Variants in ZBTB16 observed in about 807,000 individuals in gnomAD.
ZBTB16 encodes zinc finger and BTB domain-containing protein 16.
ZBTB16 carries 8 observed loss-of-function variants against 56.8 expected under a neutral mutation model. The ratio of observed to expected loss-of-function variants is 0.14; its 90% confidence interval spans 0.08 to 0.25. ZBTB16 has a LOEUF of 0.25. ZBTB16 is among the 10% of genes least tolerant of loss of function. The probability of loss-of-function intolerance (pLI) is 1.00; values close to 1 mark genes in which losing one functional copy is unlikely to be tolerated. For synonymous variants in ZBTB16, 363 were observed against 368.5 expected (o/e 0.98, Z 0.17); for missense variants, 625 against 903.0 (o/e 0.69, Z 3.95).
intron 4 of ZBTB16, 61 bp from the exon 5 acceptor site, chr11:114,242,106 G>T: frequency 6.2e-7 from 1 of 1,605,072 alleles, no homozygotes; most frequent in Non-Finnish European, 8.5e-7. Flanking sequence ...ACTCCAGATG[G>T]GTAAAGAATG....
intron 2 of ZBTB16, among the ~76,000 whole-genome samples, chr11:114,078,255 A>G (rs1345074742): frequency 6.6e-6 from 1 of 152,184 alleles, no homozygotes. Flanking sequence ...TTAATACAAG[A>G]TGGGAAAGGG....
rs999011519 is a variant in ZBTB16, at chr11:114,250,048, G to T, written c.1793-278G>T. Among the ~76,000 whole-genome samples, 1 of 152,112 alleles carries T rather than the reference G, an allele frequency of 6.6e-6. No individual in the cohort carries two copies. Among genetic ancestry groups the T allele is most frequent in the African/African-American group, 2.4e-5 (1 of 41,422 alleles). On this transcript the variant is annotated intron_variant, in intron 6 of 6. Transcript: ENST00000335953. This position sits in a 1 kb window ranked among gnomAD's most constrained non-coding sequence, Gnocchi z 6.0. ...TTAAGAATAGTAAGACAAGGAGCTG[G>T]GCAATCCAGTAGTCAACTAGCTACA...
At chr11:114,116,760 A>G (rs1424644008) in intron 2 of ZBTB16, among the ~76,000 whole-genome samples, 1 of 152,216 alleles carries the variant, frequency 6.6e-6, no homozygotes, top group East Asian at 1.9e-4. Flanking sequence ...CAATTGGTAA[A>G]TGCAGTGAAA....
intron 4 of ZBTB16, among the ~76,000 whole-genome samples, chr11:114,208,803 T>C (rs1202365446): frequency 6.6e-6 from 1 of 152,232 alleles, no homozygotes; most frequent in Non-Finnish European, 1.5e-5. Flanking sequence ...GGAAACAGAC[T>C]GGTCCATTCA....
chr11:114,234,239 A>G (rs1369707903), intron 4 of ZBTB16, among the ~76,000 whole-genome samples: 1 of 152,230 alleles, frequency 6.6e-6, no homozygotes, highest in Non-Finnish European at 1.5e-5. Flanking sequence ...GACAAGGACG[A>G]AATTGACAAG....
chr11:114,146,353 A>G (rs990137526), intron 2 of ZBTB16, among the ~76,000 whole-genome samples: 1 of 152,118 alleles, frequency 6.6e-6, no homozygotes, highest in Non-Finnish European at 1.5e-5. Context: ...AGGTAGGAAT[A>G]TGAAGGCAGA....
In ZBTB16 at chr11:114,064,396, A is replaced by G; in HGVS notation, c.1096A>G (p.Met366Val). 1 of 1,614,026 alleles carries G rather than the reference A, an allele frequency of 6.2e-7. No individual in the cohort carries two copies. The highest frequency in any genetic ancestry group is 8.5e-7 in the Non-Finnish European group (1 of 1,180,002). The change falls in exon 2 of 7, where the codon ATG (methionine) becomes GTG (valine). Residue 366 changes from methionine to valine, a missense_variant. Met to Val is a conservative substitution (Grantham distance 21). Transcript: ENST00000335953. The surrounding 1 kb of genome is among the most constrained non-coding windows in gnomAD (Gnocchi z 4.2). ...CGTGCAGCCTGCCCTGGCTGTCTCC[A>G]TGGACTTCAGCACCTATGGGGGGCT... ...LHVQPALAVS[M>V]DFSTYGGLLP...
chr11:114,115,922 A>G (rs1453468218), intron 2 of ZBTB16, among the ~76,000 whole-genome samples: 2 of 151,888 alleles, frequency 1.3e-5, no homozygotes, highest in Non-Finnish European at 1.5e-5. Flanking sequence ...GGGGCTTCAC[A>G]TTTTCGTGCA....
intron 2 of ZBTB16, among the ~76,000 whole-genome samples, chr11:114,103,038 A>T (rs1384737691): frequency 6.6e-6 from 1 of 152,198 alleles, no homozygotes; most frequent in Non-Finnish European, 1.5e-5. Flanking sequence ...GAAGGCAAAC[A>T]TTACTGTATC....
intron 4 of ZBTB16, among the ~76,000 whole-genome samples, chr11:114,200,218 C>T (rs1026504564): frequency 5.3e-5 from 8 of 152,074 alleles, no homozygotes; most frequent in Non-Finnish European, 8.8e-5. Context: ...TAAGTGGTAG[C>T]TGCTTGCTAC....
In ZBTB16 at chr11:114,064,040, A is replaced by C; in HGVS notation, c.740A>C (p.Gln247Pro). The C allele has an allele frequency of 6.2e-7, 1 of 1,613,240 alleles. No homozygotes were observed. The highest frequency in any genetic ancestry group is 1.1e-5 in the South Asian group (1 of 91,040). ...GVAEVKTEMM[Q>P]VDEVPSQDSP... ...GCTGAGGTGAAGACGGAGATGATGC[A>C]GGTGGATGAGGTGCCCAGCCAGGAC... The change falls in exon 2 of 7, where the codon CAG becomes CCG. Residue 247 changes from glutamine to proline, a missense_variant. Gln to Pro is a moderately conservative substitution (Grantham distance 76). Transcript: ENST00000335953. This position sits in a 1 kb window ranked among gnomAD's most constrained non-coding sequence, Gnocchi z 4.2.
At chr11:114,233,122 C>T (rs1434762940) in intron 4 of ZBTB16, among the ~76,000 whole-genome samples, 3 of 47,090 alleles carry the variant, frequency 6.4e-5, no homozygotes, top group African/African-American at 1.7e-4. Flanking sequence ...CACACACACA[C>T]ACACTCTCTC....
intron 3 of ZBTB16, among the ~76,000 whole-genome samples, chr11:114,183,274 G>T (rs1387043495): frequency 1.3e-5 from 2 of 152,222 alleles, no homozygotes; most frequent in Non-Finnish European, 2.9e-5. Flanking sequence ...ACTTCAGCGA[G>T]GTGGGGGTGG....
chr11:114,210,460 G>A (rs1337245127), intron 4 of ZBTB16, among the ~76,000 whole-genome samples: 6 of 152,264 alleles, frequency 3.9e-5, no homozygotes, highest in African/African-American at 1.2e-4. Flanking sequence ...TTCAGTGGGC[G>A]GGATCAGTAC....
At chr11:114,141,642 A>G (rs1029950526) in intron 2 of ZBTB16, among the ~76,000 whole-genome samples, 1 of 152,174 alleles carries the variant, frequency 6.6e-6, no homozygotes, top group African/African-American at 2.4e-5. Context: ...GAGGATCCCA[A>G]AGTCTTAGAG....
chr11:114,166,522 A>G (rs1942762900), intron 3 of ZBTB16, among the ~76,000 whole-genome samples: 1 of 152,128 alleles, frequency 6.6e-6, no homozygotes, highest in Non-Finnish European at 1.5e-5. Context: ...GAGAAGAAGC[A>G]TTTACATGAA....
chr11:114,233,240 G>T (rs752484828), intron 4 of ZBTB16, among the ~76,000 whole-genome samples: 1 of 151,948 alleles, frequency 6.6e-6, no homozygotes, highest in Non-Finnish European at 1.5e-5. Flanking sequence ...CAAGAAGAAG[G>T]AGCTGCTGGG....
chr11:114,134,684 ACTGAAAAT>A lies in ZBTB16; in HGVS notation c.1269-21651_1269-21644del, dbSNP rs200055357. Among the ~76,000 whole-genome samples, 652 of 152,302 alleles carry A rather than the reference ACTGAAAAT, an allele frequency of 4.3e-3. 10 individuals carry two copies. The highest frequency in any genetic ancestry group is 0.015 in the African/African-American group (606 of 41,550). On this transcript the variant is annotated intron_variant, in intron 2 of 6. Transcript: ENST00000335953. Reference sequence around the variant, plus strand: ...GTGGGAGATAGGTAAGGCTCGAAGAACTGAAAATCCTCAAATGTGCTAAAAGCTTCATT... The same window carrying A: ...GTGGGAGATAGGTAAGGCTCGAAGAACCTCAAATGTGCTAAAAGCTTCATT...
At chr11:114,218,071 T>C (rs1944146811) in intron 4 of ZBTB16, among the ~76,000 whole-genome samples, 1 of 150,458 alleles carries the variant, frequency 6.6e-6, no homozygotes, top group Non-Finnish European at 1.5e-5. Context: ...AAGAATAATC[T>C]CAGAACTGGT....
Sources: allele counts gnomAD v4.1 joint callset (sites outside exome capture counted in the v4.1 genomes callset), GRCh38; gene constraint gnomAD v4.1.1; non-coding constraint Gnocchi (gnomAD v3.1); transcripts MANE v1.5; gene names NCBI Gene and HGNC (gene_info 2026-07-23, HGNC 2026-07-21).